The following E2F3 variants were observed in gnomAD, a reference collection of about 807,000 sequenced individuals.
The protein encoded by E2F3 is E2F transcription factor 3.
In E2F3, 11 loss-of-function variants were observed where a neutral mutation model predicts 44.4. That is an observed-to-expected ratio of 0.25 (90% CI 0.16 to 0.41). The LOEUF (loss-of-function observed/expected upper bound fraction) is 0.41. Among genes scored for constraint, E2F3 ranks in the 10% least tolerant of loss-of-function variants. The pLI is 1.00. For synonymous variants in E2F3, 249 were observed against 253.0 expected (o/e 0.98, Z 0.15); for missense variants, 487 against 583.6 (o/e 0.83, Z 1.70).
At chr6:20,425,230 C>CT (rs143304646) in intron 1 of E2F3, among the ~76,000 whole-genome samples, 2 of 151,544 alleles carry the variant, frequency 1.3e-5, no homozygotes, top group African/African-American at 4.8e-5. Context: ...TTACCCAGTG[C>CT]TTTTTTTTAA....
In E2F3 at chr6:20,479,972, A is replaced by C; in HGVS notation, c.505+15A>C. 1 of 1,590,920 alleles carries C rather than the reference A, an allele frequency of 6.3e-7. No individual in the cohort carries two copies. The highest frequency in any genetic ancestry group is 8.6e-7 in the Non-Finnish European group (1 of 1,166,966). On this transcript the variant is annotated intron_variant, in intron 2 of 6. Coordinates refer to ENST00000346618, the MANE Select transcript of E2F3 (RefSeq NM_001949.5). ...TAGTCCAAAAAGTAAGGATCTTTTC[A>C]TCTCTTTCCTTATTCTCCTTGGTAT...
chr6:20,489,015 A>AAAAGC (rs1477076555), intron 6 of E2F3, among the ~76,000 whole-genome samples: 1 of 152,054 alleles, frequency 6.6e-6, no homozygotes, highest in Non-Finnish European at 1.5e-5. Flanking sequence ...AAAAGAAAAG[A>AAAAGC]AATCTAACTT....
intron 4 of E2F3, among the ~76,000 whole-genome samples, chr6:20,484,987 G>A (rs1762343732): frequency 6.6e-6 from 1 of 151,232 alleles, no homozygotes; most frequent in Non-Finnish European, 1.5e-5. Flanking sequence ...CTATCGTAAG[G>A]GACATGATTT....
intron 1 of E2F3, among the ~76,000 whole-genome samples, chr6:20,420,203 C>A (rs372870054): frequency 6.6e-6 from 1 of 152,070 alleles, no homozygotes; most frequent in African/African-American, 2.4e-5. Context: ...GTTTTAAGCA[C>A]GTTATATGAA....
At chr6:20,466,898 T>A (rs548740491) in intron 1 of E2F3, among the ~76,000 whole-genome samples, 1 of 152,238 alleles carries the variant, frequency 6.6e-6, no homozygotes, top group East Asian at 1.9e-4. Flanking sequence ...GCCAGGCTGG[T>A]CTTGAGCTCC....
intron 1 of E2F3, among the ~76,000 whole-genome samples, chr6:20,444,075 T>A (rs923594314): frequency 6.6e-6 from 1 of 152,156 alleles, no homozygotes; most frequent in South Asian, 2.1e-4. Flanking sequence ...GGCATGGTGG[T>A]GTGCGCCCAT....
At chr6:20,482,665 ACCT>A in intron 3 of E2F3, 94 bp from the exon 4 acceptor site, 1 of 1,172,988 alleles carries the variant, frequency 8.5e-7, no homozygotes, top group Non-Finnish European at 1.2e-6. Flanking sequence ...AAGCAATGTG[ACCT>A]CCTATGTCAA....
chr6:20,436,534 G>A (rs1452300427), intron 1 of E2F3, among the ~76,000 whole-genome samples: 1 of 152,080 alleles, frequency 6.6e-6, no homozygotes, highest in Non-Finnish European at 1.5e-5. Context: ...GTGAATTTCT[G>A]TTGGGATGCA....
At chr6:20,488,307 A>G in intron 6 of E2F3, 59 bp downstream of exon 6, 2 of 1,527,786 alleles carry the variant, frequency 1.3e-6, no homozygotes, top group Non-Finnish European at 1.7e-6. Flanking sequence ...GACTAGAACC[A>G]TCTGTATTGG....
chr6:20,480,379 G>A (rs189369004), intron 2 of E2F3, among the ~76,000 whole-genome samples: 41 of 152,324 alleles, frequency 2.7e-4, no homozygotes, highest in African/African-American at 9.9e-4. Flanking sequence ...GATTGAGCCC[G>A]ATAAATTGCA....
chr6:20,451,019 G>A (rs1035297399), intron 1 of E2F3, among the ~76,000 whole-genome samples: 1 of 152,136 alleles, frequency 6.6e-6, no homozygotes, highest in African/African-American at 2.4e-5. Context: ...ATGCTGTTTT[G>A]GTTACTGTGG....
intron 1 of E2F3, among the ~76,000 whole-genome samples, chr6:20,446,120 G>T (rs1760936271): frequency 6.6e-6 from 1 of 152,186 alleles, no homozygotes; most frequent in Non-Finnish European, 1.5e-5. Flanking sequence ...ACCGATAGTG[G>T]CCATGGCCAG....
chr6:20,464,411 T>TA (rs1761633834), intron 1 of E2F3, among the ~76,000 whole-genome samples: 1 of 152,194 alleles, frequency 6.6e-6, no homozygotes, highest in South Asian at 2.1e-4. Flanking sequence ...CATGATCTCT[T>TA]ATAAACCATT....
chr6:20,422,701 G>A (rs779742745), intron 1 of E2F3, among the ~76,000 whole-genome samples: 19 of 152,128 alleles, frequency 1.2e-4, no homozygotes, highest in Non-Finnish European at 1.0e-4. Context: ...AGGGAGGCCC[G>A]AGAAGAGGGT....
In E2F3 at chr6:20,492,149, G is replaced by C; in HGVS notation, c.*1719G>C. On this transcript the variant is annotated 3_prime_UTR_variant, in exon 7 of 7. Coordinates refer to ENST00000346618, the MANE Select transcript of E2F3 (RefSeq NM_001949.5). ...TAATTGAATTGAAAATATCCCTTAG[G>C]AAAAAAAAAAAACACACAAAAAACC... 5.7e-6 allele frequency: 1 copy of C among 175,666 alleles called. No homozygotes were observed. Among genetic ancestry groups the C allele is most frequent in the Non-Finnish European group, 1.1e-5 (1 of 89,540 alleles). 10.9% of individuals were successfully genotyped at this position (175,666 alleles called of 1,614,324 possible). A position where few individuals can be genotyped will look rare whatever the true frequency, so the allele number is the denominator to read the frequency against.
chr6:20,402,618 G>T lies in E2F3; in HGVS notation c.386G>T (p.Gly129Val), dbSNP rs1759344468. ...CGCGGCGGCAGCGGCGGCGGCGGCGGCCCTCCGGTAATACCCTCCCTCCCC... is the reference window on the plus strand; with the variant it reads ...CGCGGCGGCAGCGGCGGCGGCGGCGTCCCTCCGGTAATACCCTCCCTCCCC... The part of the protein sequence containing the change: ...LGRGGSGGGG[G>V]PPAKRRLELG... The change falls in exon 1 of 7, where the codon GGC becomes GTC. Residue 129 changes from glycine (G) to valine (V), a missense_variant. Coordinates refer to ENST00000346618, the MANE Select transcript of E2F3 (RefSeq NM_001949.5). The surrounding 1 kb of genome is among the most constrained non-coding windows in gnomAD (Gnocchi z 5.6). 2.2e-6 allele frequency: 3 copies of T among 1,336,654 alleles called. No individual in the cohort carries two copies. The highest frequency in any genetic ancestry group is 1.9e-6 in the Non-Finnish European group (2 of 1,052,452). 82.8% of individuals were successfully genotyped at this position (1,336,654 alleles called of 1,614,324 possible).
At chr6:20,431,510 G>A (rs12192975) in intron 1 of E2F3, among the ~76,000 whole-genome samples, 5,347 of 152,150 alleles carry the variant, frequency 0.035, 124 homozygotes, top group Non-Finnish European at 0.058. Context: ...CCTGTGAGTC[G>A]GAGGGGGGTC....
chr6:20,433,651 G>A (rs1452766438), intron 1 of E2F3, among the ~76,000 whole-genome samples: 2 of 151,612 alleles, frequency 1.3e-5, no homozygotes, highest in Non-Finnish European at 1.5e-5. Flanking sequence ...TAACACAGAA[G>A]AACATAGATT....
intron 1 of E2F3, among the ~76,000 whole-genome samples, chr6:20,443,505 T>G (rs1204377429): frequency 6.6e-6 from 1 of 152,148 alleles, no homozygotes; most frequent in Non-Finnish European, 1.5e-5. Context: ...TTTGGGAAGC[T>G]GAGGTGGGCT....
Sources: allele counts gnomAD v4.1 joint callset (sites outside exome capture counted in the v4.1 genomes callset), GRCh38; gene constraint gnomAD v4.1.1; non-coding constraint Gnocchi (gnomAD v3.1); transcripts MANE v1.5; gene names NCBI Gene and HGNC (gene_info 2026-07-23, HGNC 2026-07-21).